HEMK2: variants seen among roughly 807,000 people sequenced by gnomAD.
The protein encoded by HEMK2 is HemK methyltransferase 2, ETF1 glutamine and histone H4 lysine.
chr21:28,814,765 A>C, the HEMK2 span, among the ~76,000 whole-genome samples: 1 of 149,250 alleles, frequency 6.7e-6, no homozygotes, highest in East Asian at 2.0e-4. Flanking sequence ...AAATAGGAAC[A>C]CTTTTACACT....
the HEMK2 span, among the ~76,000 whole-genome samples, chr21:28,832,127 C>G: frequency 6.6e-6 from 1 of 152,172 alleles, no homozygotes; most frequent in African/African-American, 2.4e-5. Flanking sequence ...CAGAGCAGAG[C>G]CCAGACACCA....
the HEMK2 span, among the ~76,000 whole-genome samples, chr21:28,866,175 A>AAAACACAC: frequency 4.2e-4 from 32 of 76,246 alleles, 1 homozygote; most frequent in African/African-American, 1.5e-3. Flanking sequence ...CAAAAAAAAA[A>AAAACACAC]ACACACACAC....
the HEMK2 span, among the ~76,000 whole-genome samples, chr21:28,804,070 A>G: frequency 6.6e-6 from 1 of 152,260 alleles, no homozygotes; most frequent in African/African-American, 2.4e-5. Flanking sequence ...AATGAAGCAC[A>G]AGTACTCTAT....
the HEMK2 span, among the ~76,000 whole-genome samples, chr21:28,820,577 T>C: frequency 2.0e-5 from 3 of 152,272 alleles, no homozygotes; most frequent in East Asian, 3.9e-4. Context: ...CCCTAAGAAA[T>C]AGAGTATATA....
chr21:28,817,888 T>C, the HEMK2 span, among the ~76,000 whole-genome samples: 2 of 152,308 alleles, frequency 1.3e-5, no homozygotes, highest in Admixed American at 6.5e-5. Context: ...GGTGTGTCCA[T>C]TGTTAAAATG....
the HEMK2 span, among the ~76,000 whole-genome samples, chr21:28,682,558 A>G: frequency 2.8e-4 from 42 of 152,234 alleles, no homozygotes; most frequent in South Asian, 1.5e-3. Flanking sequence ...CTGGGTATAT[A>G]CCCAAAGGAT....
chr21:28,829,849 A>C, the HEMK2 span, among the ~76,000 whole-genome samples: 1 of 152,220 alleles, frequency 6.6e-6, no homozygotes, highest in Non-Finnish European at 1.5e-5. Context: ...ATTGATACCC[A>C]TTATAATGAA....
chr21:28,702,673 G>A, the HEMK2 span, among the ~76,000 whole-genome samples: 2 of 152,146 alleles, frequency 1.3e-5, no homozygotes, highest in Non-Finnish European at 2.9e-5. Flanking sequence ...ATTCTAGTGA[G>A]GGTGCAGGGA....
chr21:28,853,588 G>C, the HEMK2 span, among the ~76,000 whole-genome samples: 1 of 152,176 alleles, frequency 6.6e-6, no homozygotes, highest in Non-Finnish European at 1.5e-5. Flanking sequence ...TATAGGTCTA[G>C]AAGCAAACAG....
chr21:28,799,255 C>T, the HEMK2 span, among the ~76,000 whole-genome samples: 1 of 152,182 alleles, frequency 6.6e-6, no homozygotes, highest in African/African-American at 2.4e-5. Context: ...AGGTGAAAGG[C>T]ATGTCTCACA....
the HEMK2 span, among the ~76,000 whole-genome samples, chr21:28,578,333 T>C: frequency 6.6e-6 from 1 of 152,214 alleles, no homozygotes; most frequent in Non-Finnish European, 1.5e-5. Flanking sequence ...CTGATTCAGC[T>C]CTCCATAACA....
chr21:28,608,246 A>T, the HEMK2 span, among the ~76,000 whole-genome samples: 1 of 152,238 alleles, frequency 6.6e-6, no homozygotes, highest in Admixed American at 6.5e-5. Context: ...ACTTTCAACC[A>T]AAACCCAAGT....
the HEMK2 span, among the ~76,000 whole-genome samples, chr21:28,864,730 C>T: frequency 6.6e-6 from 1 of 152,016 alleles, no homozygotes; most frequent in African/African-American, 2.4e-5. Flanking sequence ...GTTTTCCATT[C>T]CTGGGAATGG....
At chr21:28,665,064 G>T in the HEMK2 span, among the ~76,000 whole-genome samples, 3 of 151,664 alleles carry the variant, frequency 2.0e-5, no homozygotes, top group African/African-American at 7.3e-5. Context: ...GATCGCTTGA[G>T]CCTAGGAGTT....
At chr21:28,695,977 T>C in the HEMK2 span, among the ~76,000 whole-genome samples, 32 of 152,002 alleles carry the variant, frequency 2.1e-4, no homozygotes, top group African/African-American at 5.8e-4. Flanking sequence ...GTAATTTTTA[T>C]ATATATATAT....
chr21:28,765,545 T>C, the HEMK2 span, among the ~76,000 whole-genome samples: 1 of 152,162 alleles, frequency 6.6e-6, no homozygotes, highest in Non-Finnish European at 1.5e-5. Context: ...TTGAATACTT[T>C]TAAACCAATA....
chr21:28,814,444 C>T, the HEMK2 span, among the ~76,000 whole-genome samples: 88 of 151,412 alleles, frequency 5.8e-4, 1 homozygote, highest in East Asian at 0.016. Flanking sequence ...AGTGAACAGG[C>T]AACCTACAGA....
At chr21:28,705,505 C>T in the HEMK2 span, among the ~76,000 whole-genome samples, 1 of 152,118 alleles carries the variant, frequency 6.6e-6, no homozygotes, top group Non-Finnish European at 1.5e-5. Context: ...TCTCTTATTA[C>T]TTGGTTAATA....
At chr21:28,869,419 C>G in the HEMK2 span, among the ~76,000 whole-genome samples, 1 of 152,056 alleles carries the variant, frequency 6.6e-6, no homozygotes, top group African/African-American at 2.4e-5. Flanking sequence ...CTGTCACTTT[C>G]CTTTCTTATA....
Sources: gnomAD v4.1 joint callset for allele counts (sites outside exome capture counted in the v4.1 genomes callset) on GRCh38, gnomAD v4.1.1 for gene constraint, MANE v1.5 for transcripts, NCBI Gene and HGNC (gene_info 2026-07-23, HGNC 2026-07-21) for gene names.